The following C10orf67 variants were observed in gnomAD, a reference collection of about 807,000 sequenced individuals.
The protein encoded by C10orf67 is uncharacterized protein C10orf67, mitochondrial.
C10orf67 carries 60 observed loss-of-function variants against 35.6 expected under a neutral mutation model. The observed-to-expected ratio is 1.68, with a 90% CI of 1.37 to 2.09. The LOEUF (loss-of-function observed/expected upper bound fraction) is 2.09, where lower values mean the gene tolerates loss of function less well. C10orf67 is among the 30% of genes most tolerant of loss of function. C10orf67 has a pLI of 0.00. For synonymous variants in C10orf67, 167 were observed against 115.8 expected (o/e 1.44, Z -2.84); for missense variants, 474 against 330.2 (o/e 1.44, Z -3.38).
intron 8 of C10orf67, among the ~76,000 whole-genome samples, chr10:23,275,903 T>C (rs1843173991): frequency 6.6e-6 from 1 of 152,160 alleles, no homozygotes; most frequent in African/African-American, 2.4e-5. Flanking sequence ...ATCAATATGG[T>C]TAATTTTTAA....
At chr10:23,235,328 T>C (rs889180379) in intron 13 of C10orf67, among the ~76,000 whole-genome samples, 1 of 152,158 alleles carries the variant, frequency 6.6e-6, no homozygotes, top group Non-Finnish European at 1.5e-5. Context: ...AACTAAGTTG[T>C]CTTCATTAAA....
intron 8 of C10orf67, among the ~76,000 whole-genome samples, chr10:23,271,210 CAAG>C (rs1843011082): frequency 6.6e-6 from 1 of 152,174 alleles, no homozygotes; most frequent in East Asian, 1.9e-4. Context: ...TTCAATTCAA[CAAG>C]AAGAGCTAAC....
chr10:23,242,081 C>T lies in C10orf67; in HGVS notation c.1347-2265G>A, dbSNP rs145214912. On this transcript the variant is annotated intron_variant, in intron 12 of 15. Transcript: ENST00000636213. ...CCACCTCCTGGGTTCAAGCAATTCTCCTGCCTCAGCCTCCTAAGTAGCTGG... is the reference window on the plus strand; with the variant it reads ...CCACCTCCTGGGTTCAAGCAATTCTTCTGCCTCAGCCTCCTAAGTAGCTGG... 3.0e-3 allele frequency among the ~76,000 whole-genome samples: 454 copies of T among 152,164 alleles called. 13 individuals carry two copies. In the East Asian group the frequency reaches 0.049, roughly 16 times the overall value.
chr10:23,312,381 G>T (rs1044450631), intron 4 of C10orf67, among the ~76,000 whole-genome samples: 3 of 152,198 alleles, frequency 2.0e-5, no homozygotes, highest in Non-Finnish European at 2.9e-5. Context: ...TGACTCCTGT[G>T]TTCTGACATG....
At chr10:23,225,539 T>C (rs961383365) in intron 13 of C10orf67, among the ~76,000 whole-genome samples, 10 of 152,070 alleles carry the variant, frequency 6.6e-5, no homozygotes, top group Non-Finnish European at 1.2e-4. Flanking sequence ...TAAATGTAAA[T>C]GGGCTAAATG....
intron 3 of C10orf67, among the ~76,000 whole-genome samples, chr10:23,321,176 A>G (rs1445423804): frequency 6.6e-6 from 1 of 152,190 alleles, no homozygotes; most frequent in Non-Finnish European, 1.5e-5. Flanking sequence ...TGAATGGAAT[A>G]TGCTCATGAA....
At position 23,266,283 on chromosome 10, in the gene C10orf67, A is replaced by G. The variant is rs79365475; in HGVS notation, c.1179T>C (p.Ala393=). Residue 393 remains alanine, a synonymous_variant, in exon 10 of 16, where the codon GCT becomes GCC. Coordinates refer to ENST00000636213, the MANE Select transcript of C10orf67 (RefSeq NM_001371909.1). The part of the protein sequence containing the change: ...GAQKAKMPKK[A]LKEDQAVVED... ...TTACCACAGCTTGGTCTTCCTTTAAAGCCTTCTTTGGCATTTTAGCTTTCT... is the reference window on the plus strand; with the variant it reads ...TTACCACAGCTTGGTCTTCCTTTAAGGCCTTCTTTGGCATTTTAGCTTTCT... 1,834 of 398,608 alleles carry G rather than the reference A, an allele frequency of 4.6e-3. 53 individuals are homozygous for G. In the East Asian group the frequency reaches 0.05, roughly 11 times the overall value. The allele number at this position is 398,608 out of a possible 1,614,324, so 24.7% of individuals were successfully genotyped here. A position where few individuals can be genotyped will look rare whatever the true frequency, so the allele number is the denominator to read the frequency against.
intron 4 of C10orf67, among the ~76,000 whole-genome samples, chr10:23,304,470 C>CAGA (rs1181517367): frequency 6.6e-6 from 1 of 152,170 alleles, no homozygotes; most frequent in Non-Finnish European, 1.5e-5. Flanking sequence ...ATCAATGCCT[C>CAGA]TGGAGGCAAG....
chr10:23,206,779 T>G (rs1841168665), intron 15 of C10orf67, among the ~76,000 whole-genome samples: 1 of 152,208 alleles, frequency 6.6e-6, no homozygotes, highest in Non-Finnish European at 1.5e-5. Flanking sequence ...AATGACAAAG[T>G]TTCAATGAAA....
At chr10:23,335,719 C>G (rs1173793907) in intron 1 of C10orf67, among the ~76,000 whole-genome samples, 1 of 152,136 alleles carries the variant, frequency 6.6e-6, no homozygotes, top group African/African-American at 2.4e-5. Flanking sequence ...TTCAGCTTTC[C>G]ATATACTAAT....
chr10:23,284,308 ACAAGCAGTTC>A (rs1843463158), intron 7 of C10orf67, among the ~76,000 whole-genome samples: 1 of 151,110 alleles, frequency 6.6e-6, no homozygotes. Context: ...ACATCCAGTC[ACAAGCAGTTC>A]CACAAACCCC....
chr10:23,326,180 T>A (rs1845186655), intron 2 of C10orf67, among the ~76,000 whole-genome samples: 1 of 152,142 alleles, frequency 6.6e-6, no homozygotes, highest in African/African-American at 2.4e-5. Context: ...AGATTGTAGA[T>A]GCTTAATTTA....
intron 8 of C10orf67, among the ~76,000 whole-genome samples, chr10:23,269,067 A>G (rs1186456160): frequency 1.3e-5 from 2 of 152,214 alleles, no homozygotes; most frequent in Non-Finnish European, 2.9e-5. Flanking sequence ...TACTACTATA[A>G]GAAATTTCTA....
chr10:23,242,545 A>G (rs1159650118), intron 12 of C10orf67, among the ~76,000 whole-genome samples: 1 of 152,174 alleles, frequency 6.6e-6, no homozygotes, highest in African/African-American at 2.4e-5. Flanking sequence ...ATAAATGAAT[A>G]CTGAGTATGC....
intron 4 of C10orf67, among the ~76,000 whole-genome samples, chr10:23,319,811 C>A (rs1844871996): frequency 6.6e-6 from 1 of 152,206 alleles, no homozygotes; most frequent in African/African-American, 2.4e-5. Context: ...GGTTAGGGAC[C>A]TGACTTTGCC....
chr10:23,344,399 CT>C, intron 1 of C10orf67, 169 bp downstream of exon 1: 1 of 684,666 alleles, frequency 1.5e-6, no homozygotes, highest in Non-Finnish European at 2.4e-6. Flanking sequence ...CCCCGCTGCG[CT>C]TTCACTGTCC....
At position 23,266,684 on chromosome 10, in the gene C10orf67, G is replaced by C. The variant is rs534451561; in HGVS notation, c.1036-258C>G. 9.2e-4 allele frequency among the ~76,000 whole-genome samples: 140 copies of C among 151,984 alleles called. 1 individual carries two copies. Among genetic ancestry groups the C allele is most frequent in the Admixed American group, 4.7e-3 (72 of 15,254 alleles). On this transcript the variant is annotated intron_variant, in intron 9 of 15. Coordinates refer to ENST00000636213, the MANE Select transcript of C10orf67 (RefSeq NM_001371909.1). ...CACACCAACAGATCCATGCTCTTTG[G>C]AAGCCCCTGGAATGGTGGGGTCTAT...
chr10:23,248,348 T>C (rs1408535845), intron 12 of C10orf67, among the ~76,000 whole-genome samples: 2 of 152,138 alleles, frequency 1.3e-5, no homozygotes, highest in African/African-American at 4.8e-5. Context: ...AATGATGACA[T>C]AGGCAGTCGC....
chr10:23,251,061 C>G (rs926880465), intron 10 of C10orf67, among the ~76,000 whole-genome samples: 6 of 152,126 alleles, frequency 3.9e-5, no homozygotes, highest in Non-Finnish European at 8.8e-5. Context: ...CATGTCACTG[C>G]ACTCCAGCCT....
Sources: allele counts gnomAD v4.1 joint callset (sites outside exome capture counted in the v4.1 genomes callset), GRCh38; gene constraint gnomAD v4.1.1; transcripts MANE v1.5; gene names NCBI Gene and HGNC (gene_info 2026-07-23, HGNC 2026-07-21).